Variants in PDE12 observed in about 807,000 individuals in gnomAD.
PDE12 encodes the protein 2',5'-phosphodiesterase 12.
In PDE12, 26 loss-of-function variants were observed where a neutral mutation model predicts 45.4. That is an observed-to-expected ratio of 0.57 (90% CI 0.42 to 0.79). PDE12 has a LOEUF of 0.79. Among genes scored for constraint, PDE12 ranks in the 30% least tolerant of loss-of-function variants. The probability of loss-of-function intolerance (pLI) is 0.00; values close to 1 mark genes in which losing one functional copy is unlikely to be tolerated. For synonymous variants in PDE12, 283 were observed against 323.9 expected (o/e 0.87, Z 1.36); for missense variants, 668 against 790.0 (o/e 0.85, Z 1.85).
the PDE12 span, among the ~76,000 whole-genome samples, chr3:57,606,590 C>CT: frequency 9.9e-5 from 15 of 151,948 alleles, no homozygotes; most frequent in Non-Finnish European, 1.8e-4. Flanking sequence ...TAATTTAAAA[C>CT]TTTTTTTAAA....
At chr3:57,585,882 G>C in the PDE12 span, among the ~76,000 whole-genome samples, 4 of 151,980 alleles carry the variant, frequency 2.6e-5, no homozygotes, top group Admixed American at 6.6e-5. Context: ...GGCTGGTCTT[G>C]AACTCCTGAC....
the PDE12 span, among the ~76,000 whole-genome samples, chr3:57,639,384 T>G: frequency 1.3e-5 from 2 of 152,218 alleles, no homozygotes; most frequent in Admixed American, 1.3e-4. Flanking sequence ...CAATTCATGC[T>G]GCTCTACCAA....
intron 1 of PDE12, among the ~76,000 whole-genome samples, chr3:57,558,964 G>T (rs1435089383): frequency 2.0e-5 from 3 of 151,106 alleles, no homozygotes; most frequent in African/African-American, 7.3e-5. Context: ...GCTTATGCCT[G>T]TAATCCCAGC....
At chr3:57,637,249 TC>T in the PDE12 span, among the ~76,000 whole-genome samples, 250 of 152,328 alleles carry the variant, frequency 1.6e-3, 6 homozygotes, top group East Asian at 0.046. Context: ...CTGCCATCAT[TC>T]ATTCTGATTA....
chr3:57,561,733 C>T lies in PDE12; in HGVS notation c.*1729C>T. On this transcript the variant is annotated 3_prime_UTR_variant, in exon 3 of 3. Coordinates refer to ENST00000311180, the MANE Select transcript of PDE12 (RefSeq NM_177966.7). ...TGTTTCAAATTCTTTAATCTCTGAA[C>T]CTAGTATCATAAGAATTTCCTCTTT... is the stretch of plus-strand genomic sequence containing the variant. 1 of 984,872 alleles carries T rather than the reference C, an allele frequency of 1.0e-6. No homozygotes were observed. Among genetic ancestry groups the T allele is most frequent in the Non-Finnish European group, 1.2e-6 (1 of 829,492 alleles). The allele number at this position is 984,872 out of a possible 1,614,324, so 61.0% of individuals were successfully genotyped here. A position where few individuals can be genotyped will look rare whatever the true frequency, so the allele number is the denominator to read the frequency against.
the PDE12 span, chr3:57,633,308 C>G: frequency 1.2e-6 from 2 of 1,613,590 alleles, no homozygotes; most frequent in African/African-American, 1.3e-5. Context: ...AAAATAGCGT[C>G]GAAGAATAAC....
chr3:57,572,931 G>A, the PDE12 span, among the ~76,000 whole-genome samples: 2 of 152,094 alleles, frequency 1.3e-5, no homozygotes, highest in Admixed American at 6.6e-5. Flanking sequence ...GGCCGGGCGT[G>A]GTGGCTCACA....
chr3:57,573,201 CAAAA>C, the PDE12 span, among the ~76,000 whole-genome samples: 1 of 125,802 alleles, frequency 7.9e-6, no homozygotes. Flanking sequence ...GACTCCATCT[CAAAA>C]AAAAAAAAAA....
the PDE12 span, chr3:57,583,780 T>C: frequency 1.4e-6 from 1 of 728,506 alleles, no homozygotes; most frequent in Admixed American, 2.9e-5. Context: ...GAAGTGGTGA[T>C]AAGACAAATG....
chr3:57,568,068 C>CAAAAA (rs11360766), downstream of PDE12, among the ~76,000 whole-genome samples: 117 of 47,482 alleles, frequency 2.5e-3, no homozygotes, highest in African/African-American at 3.3e-3. Flanking sequence ...GACTCCATCT[C>CAAAAA]AAAAAAAAAA....
intron 1 of PDE12, among the ~76,000 whole-genome samples, chr3:57,558,683 G>C (rs1485255815): frequency 6.6e-6 from 1 of 150,608 alleles, no homozygotes; most frequent in Non-Finnish European, 1.5e-5. Flanking sequence ...CGGGGTTTGG[G>C]GTTTCACCAT....
At chr3:57,618,607 GTT>G in the PDE12 span, among the ~76,000 whole-genome samples, 32 of 79,404 alleles carry the variant, frequency 4.0e-4, no homozygotes, top group African/African-American at 1.3e-3. Flanking sequence ...TTGCTTTTGT[GTT>G]TTTTTTTTTT....
chr3:57,618,607 G>GTTTTTTTTTTTTTT, the PDE12 span, among the ~76,000 whole-genome samples: 58 of 79,400 alleles, frequency 7.3e-4, 3 homozygotes, highest in East Asian at 1.1e-3. Context: ...TTGCTTTTGT[G>GTTTTTTTTTTTTTT]TTTTTTTTTT....
At position 57,565,048 on chromosome 3, in the gene PDE12, A is replaced by G. The variant is rs1351185476; in HGVS notation, c.*5044A>G. 1 of 150,830 alleles carries G rather than the reference A, an allele frequency of 6.6e-6. No homozygotes were observed. The highest frequency in any genetic ancestry group is 2.1e-4 in the South Asian group (1 of 4,768). The allele number at this position is 150,830 out of a possible 1,614,324, so 9.3% of individuals were successfully genotyped here. A position where few individuals can be genotyped will look rare whatever the true frequency, so the allele number is the denominator to read the frequency against. ...GTTGCCCAGGCTGGAGCGCAGTGGC[A>G]TGATCATAGCTCACTGCAGCATCAA... On this transcript the variant is annotated 3_prime_UTR_variant, in exon 3 of 3. Coordinates refer to ENST00000311180, the MANE Select transcript of PDE12 (RefSeq NM_177966.7).
At chr3:57,593,620 G>A in the PDE12 span, among the ~76,000 whole-genome samples, 4 of 152,166 alleles carry the variant, frequency 2.6e-5, no homozygotes, top group African/African-American at 7.2e-5. Context: ...TCAAAGTAAA[G>A]AGATCAGAAT....
chr3:57,556,353 CTTGTCGACCGCTAGGCCACCAGG>C lies in PDE12; in HGVS notation c.-24_-2del. ...AGTAGGCCGCTGATCGGCCGCGGGT[CTTGTCGACCGCTAGGCCACCAGG>C]TTCATGTGGAGGCTCCCAGGCGCCC... On this transcript the variant is annotated 5_prime_UTR_variant, in exon 1 of 3. Transcript: ENST00000311180. This position sits in a 1 kb window ranked among gnomAD's most constrained non-coding sequence, Gnocchi z 5.0. 1 of 1,532,414 alleles carries C rather than the reference CTTGTCGACCGCTAGGCCACCAGG, an allele frequency of 6.5e-7. No homozygotes were observed. The highest frequency in any genetic ancestry group is 1.4e-5 in the African/African-American group (1 of 72,802). The allele number at this position is 1,532,414 out of a possible 1,614,324, so 94.9% of individuals were successfully genotyped here. A position where few individuals can be genotyped will look rare whatever the true frequency, so the allele number is the denominator to read the frequency against.
chr3:57,604,682 G>A, the PDE12 span, among the ~76,000 whole-genome samples: 1 of 148,042 alleles, frequency 6.8e-6, no homozygotes, highest in Non-Finnish European at 1.5e-5. Context: ...GTATGATCGT[G>A]GCTCACTGCA....
At chr3:57,624,912 T>G in the PDE12 span, among the ~76,000 whole-genome samples, 1,993 of 152,174 alleles carry the variant, frequency 0.013, 48 homozygotes, top group African/African-American at 0.045. Context: ...AAAATAATTA[T>G]TTTTTTGAGA....
At chr3:57,622,369 A>G in the PDE12 span, among the ~76,000 whole-genome samples, 197 of 152,350 alleles carry the variant, frequency 1.3e-3, 3 homozygotes, top group Admixed American at 0.012. Flanking sequence ...TAAAATCTCA[A>G]TAAAGTACCA....
Sources: gnomAD v4.1 joint callset for allele counts (sites outside exome capture counted in the v4.1 genomes callset) on GRCh38, gnomAD v4.1.1 for gene constraint, Gnocchi (gnomAD v3.1) non-coding constraint, MANE v1.5 for transcripts, NCBI Gene and HGNC (gene_info 2026-07-23, HGNC 2026-07-21) for gene names.